The following STXBP5 variants were observed in gnomAD, a reference collection of about 807,000 sequenced individuals.
STXBP5 encodes syntaxin binding protein 5, also known as syntaxin-binding protein 5.
A neutral mutation model predicts 152.4 loss-of-function variants in STXBP5; 50 were observed. That is an observed-to-expected ratio of 0.33 (90% CI 0.26 to 0.42). The LOEUF (loss-of-function observed/expected upper bound fraction) is 0.42. Ranked by LOEUF, STXBP5 falls within the 10% of genes least tolerant of loss-of-function variation. The pLI is 1.00. For synonymous variants in STXBP5, 492 were observed against 494.7 expected (o/e 0.99, Z 0.07); for missense variants, 1,167 against 1,388.6 (o/e 0.84, Z 2.54).
intron 21 of STXBP5, among the ~76,000 whole-genome samples, chr6:147,342,094 G>T (rs1582970419): frequency 6.6e-6 from 1 of 152,180 alleles, no homozygotes; most frequent in East Asian, 1.9e-4. Context: ...AAAACTAAAG[G>T]ATTCAAAAGC....
intron 26 of STXBP5, among the ~76,000 whole-genome samples, chr6:147,380,917 A>G (rs912052691): frequency 1.3e-5 from 2 of 152,176 alleles, no homozygotes; most frequent in African/African-American, 2.4e-5. Flanking sequence ...TAATTTATAA[A>G]GAAAAAGACA....
chr6:147,329,781 G>A (rs1372949223), intron 18 of STXBP5, among the ~76,000 whole-genome samples: 2 of 151,590 alleles, frequency 1.3e-5, no homozygotes, highest in Non-Finnish European at 2.9e-5. Context: ...GCCCGCTACC[G>A]CACCCGGCTA....
intron 22 of STXBP5, among the ~76,000 whole-genome samples, chr6:147,356,295 CT>C (rs1784812706): frequency 1.3e-5 from 2 of 151,900 alleles, no homozygotes; most frequent in African/African-American, 4.8e-5. Flanking sequence ...ATATTATCTA[CT>C]TTTTTCATAT....
At chr6:147,337,132 T>C (rs1025398220) in intron 19 of STXBP5, among the ~76,000 whole-genome samples, 1 of 151,662 alleles carries the variant, frequency 6.6e-6, no homozygotes, top group Non-Finnish European at 1.5e-5. Context: ...CTGAACACTT[T>C]AGTATTATTG....
chr6:147,288,368 A>G (rs1781101440), intron 8 of STXBP5, among the ~76,000 whole-genome samples: 1 of 152,140 alleles, frequency 6.6e-6, no homozygotes, highest in Non-Finnish European at 1.5e-5. Flanking sequence ...GGCTGATACT[A>G]CTGCATTTTC....
chr6:147,347,883 ATC>A (rs1392220446), intron 21 of STXBP5, among the ~76,000 whole-genome samples: 2 of 152,208 alleles, frequency 1.3e-5, no homozygotes, highest in African/African-American at 2.4e-5. Context: ...ATTAGTGGCT[ATC>A]TCTATACAAA....
At chr6:147,264,679 A>T (rs1027845877) in intron 6 of STXBP5, among the ~76,000 whole-genome samples, 7 of 152,114 alleles carry the variant, frequency 4.6e-5, no homozygotes, top group African/African-American at 1.7e-4. Flanking sequence ...TATGTAAGCT[A>T]ATTAACATCT....
intron 19 of STXBP5, among the ~76,000 whole-genome samples, chr6:147,337,903 G>T (rs894161531): frequency 6.6e-6 from 1 of 152,030 alleles, no homozygotes; most frequent in African/African-American, 2.4e-5. Context: ...TAAAAGTAAT[G>T]GTTCTGCCAA....
intron 4 of STXBP5, among the ~76,000 whole-genome samples, chr6:147,247,258 G>T (rs1287122834): frequency 6.6e-6 from 1 of 152,136 alleles, no homozygotes; most frequent in Non-Finnish European, 1.5e-5. Flanking sequence ...ATCAAAATTC[G>T]TTTCTTTGAA....
Position 147,204,572 on chromosome 6 carries a change from A to C in STXBP5, c.40A>C (p.Thr14Pro). The change falls in exon 1 of 28, where the codon ACC becomes CCC. Residue 14 changes from threonine to proline, a missense_variant. Coordinates refer to ENST00000321680, the MANE Select transcript of STXBP5 (RefSeq NM_001127715.4). This position sits in a 1 kb window ranked among gnomAD's most constrained non-coding sequence, Gnocchi z 4.3. ...FNIRKVLDGLTAGSSSASQQQ... is the reference protein window; with the variant it reads ...FNIRKVLDGLPAGSSSASQQQ... ...CATCAGGAAGGTGCTGGACGGCCTG[A>C]CCGCCGGCTCGTCCTCGGCGTCGCA... The C allele has an allele frequency of 6.2e-7, 1 of 1,610,268 alleles. No individual in the cohort carries two copies. The highest frequency in any genetic ancestry group is 8.5e-7 in the Non-Finnish European group (1 of 1,178,328).
At chr6:147,340,265 T>A (rs1159534467) in intron 21 of STXBP5, among the ~76,000 whole-genome samples, 1 of 152,058 alleles carries the variant, frequency 6.6e-6, no homozygotes. Context: ...ATGCTTAAAT[T>A]TTCAAAAATT....
At chr6:147,346,464 C>T (rs114210888) in intron 21 of STXBP5, among the ~76,000 whole-genome samples, 1,981 of 152,216 alleles carry the variant, frequency 0.013, 42 homozygotes, top group Admixed American at 0.036. Flanking sequence ...CACGGCCAGG[C>T]GCAGTGGCTC....
At chr6:147,273,014 C>G (rs1477909518) in intron 7 of STXBP5, among the ~76,000 whole-genome samples, 1 of 151,860 alleles carries the variant, frequency 6.6e-6, no homozygotes, top group African/African-American at 2.4e-5. Flanking sequence ...AAAATTTTAT[C>G]TCTTTAATGG....
chr6:147,371,386 C>T (rs971633371), intron 25 of STXBP5, among the ~76,000 whole-genome samples: 7 of 152,084 alleles, frequency 4.6e-5, no homozygotes, highest in Admixed American at 2.0e-4. Flanking sequence ...ATAATGTTAA[C>T]CTGTAGATAA....
At chr6:147,363,935 C>A in intron 24 of STXBP5, 66 bp from the exon 25 acceptor site, 1 of 1,510,418 alleles carries the variant, frequency 6.6e-7, no homozygotes, top group Non-Finnish European at 9.0e-7. Flanking sequence ...CCATTTTTAA[C>A]AATGATAGTG....
intron 4 of STXBP5, among the ~76,000 whole-genome samples, chr6:147,242,122 C>T (rs1249367007): frequency 6.6e-6 from 1 of 150,702 alleles, no homozygotes; most frequent in Non-Finnish European, 1.5e-5. Flanking sequence ...GATTGATGAT[C>T]CTGATCCTGT....
intron 3 of STXBP5, among the ~76,000 whole-genome samples, chr6:147,237,503 G>A (rs1426788995): frequency 6.6e-6 from 1 of 152,140 alleles, no homozygotes; most frequent in Non-Finnish European, 1.5e-5. Context: ...TAAGAAAGAA[G>A]ATGACATCGC....
intron 11 of STXBP5, 134 bp from the exon 12 acceptor site, chr6:147,313,750 A>T: frequency 1.7e-6 from 1 of 603,640 alleles, no homozygotes; most frequent in Non-Finnish European, 2.5e-6. Flanking sequence ...TTCCATTTTT[A>T]AATATATTTA....
intron 4 of STXBP5, among the ~76,000 whole-genome samples, chr6:147,254,213 G>A (rs138150136): frequency 0.069 from 10,462 of 152,180 alleles, 479 homozygotes; most frequent in African/African-American, 0.12. Context: ...TATTTAATAA[G>A]TGGTGTTGGG....
Sources: gnomAD v4.1 joint callset for allele counts (sites outside exome capture counted in the v4.1 genomes callset) on GRCh38, gnomAD v4.1.1 for gene constraint, Gnocchi (gnomAD v3.1) non-coding constraint, MANE v1.5 for transcripts, NCBI Gene and HGNC (gene_info 2026-07-23, HGNC 2026-07-21) for gene names.